The following E2F3 variants were observed in gnomAD, a reference collection of about 807,000 sequenced individuals.
The protein encoded by E2F3 is E2F transcription factor 3.
A neutral mutation model predicts 44.4 loss-of-function variants in E2F3; 11 were observed. The ratio of observed to expected loss-of-function variants is 0.25; its 90% CI spans 0.16 to 0.41. The LOEUF (loss-of-function observed/expected upper bound fraction) is 0.41, where lower values mean the gene tolerates loss of function less well. Among genes scored for constraint, E2F3 ranks in the 10% least tolerant of loss-of-function variants. The pLI is 1.00. For missense variants in E2F3, 487 were observed against 583.6 expected, an observed-to-expected ratio of 0.83 and a Z score of 1.70; for synonymous variants, 249 against 253.0, an observed-to-expected ratio of 0.98 and a Z score of 0.15.
intron 1 of E2F3, among the ~76,000 whole-genome samples, chr6:20,468,216 G>C (rs1329049627): frequency 1.3e-5 from 2 of 152,202 alleles, no homozygotes; most frequent in African/African-American, 4.8e-5. Flanking sequence ...CACAGATTGA[G>C]GGTTCAGTCT....
At chr6:20,449,012 T>C (rs554483229) in intron 1 of E2F3, among the ~76,000 whole-genome samples, 1 of 152,374 alleles carries the variant, frequency 6.6e-6, no homozygotes, top group East Asian at 1.9e-4. Flanking sequence ...AAGTGGACTT[T>C]GCCATCCAAT....
intron 1 of E2F3, among the ~76,000 whole-genome samples, chr6:20,476,071 G>A (rs1017289452): frequency 6.6e-6 from 1 of 151,882 alleles, no homozygotes; most frequent in Non-Finnish European, 1.5e-5. Context: ...CTAGGTTCCC[G>A]ACTCAAAACA....
chr6:20,475,772 C>T (rs138333992), intron 1 of E2F3, among the ~76,000 whole-genome samples: 1,619 of 152,216 alleles, frequency 0.011, 13 homozygotes, highest in Non-Finnish European at 0.016. Context: ...GGATTACAGG[C>T]GTGAGCCATT....
At chr6:20,480,549 G>A (rs1581652780) in intron 2 of E2F3, among the ~76,000 whole-genome samples, 1 of 152,088 alleles carries the variant, frequency 6.6e-6, no homozygotes. Flanking sequence ...CATGCATTAG[G>A]CAATCCACAA....
In E2F3 at chr6:20,402,601, C is replaced by T; in HGVS notation, c.369C>T (p.Gly123=). ...AGCCACCAGCGCTGGGACGCGGCGG[C>T]AGCGGCGGCGGCGGCGGCCCTCCGG... ...LQQPPALGRG[G]SGGGGGPPAK... The change falls in exon 1 of 7, where the codon GGC becomes GGT. Residue 123 remains glycine, a synonymous_variant. Coordinates refer to ENST00000346618, the MANE Select transcript of E2F3 (RefSeq NM_001949.5). The surrounding 1 kb of genome is among the most constrained non-coding windows in gnomAD (Gnocchi z 5.6). 7.4e-7 allele frequency: 1 copy of T among 1,355,836 alleles called. No homozygotes were observed. The highest frequency in any genetic ancestry group is 9.4e-7 in the Non-Finnish European group (1 of 1,062,626). The allele number at this position is 1,355,836 out of a possible 1,614,324, so 84.0% of individuals were successfully genotyped here.
At chr6:20,474,571 G>C (rs1006228273) in intron 1 of E2F3, among the ~76,000 whole-genome samples, 1 of 152,144 alleles carries the variant, frequency 6.6e-6, no homozygotes, top group South Asian at 2.1e-4. Flanking sequence ...CGATGCTCAC[G>C]CTGTGAACTA....
intron 1 of E2F3, among the ~76,000 whole-genome samples, chr6:20,434,115 G>A (rs1467668289): frequency 6.6e-6 from 1 of 152,220 alleles, no homozygotes; most frequent in Non-Finnish European, 1.5e-5. Context: ...CAGCTGGTCA[G>A]AACAAGCTTG....
At position 20,402,481 on chromosome 6, in the gene E2F3, C is replaced by T. The variant is rs919183891; in HGVS notation, c.249C>T (p.Pro83=). The T allele has an allele frequency of 1.9e-6, 3 of 1,608,898 alleles. No individual in the cohort carries two copies. Among genetic ancestry groups the T allele is most frequent in the South Asian group, 1.1e-5 (1 of 91,062 alleles). Residue 83 remains proline, a synonymous_variant, in exon 1 of 7, where the codon CCC becomes CCT. Transcript: ENST00000346618. This position sits in a 1 kb window ranked among gnomAD's most constrained non-coding sequence, Gnocchi z 5.6. ...AAAGCGGCGCCGTAGCCGCCGGCCC[C>T]CTCCTCCCCAGTGCCCCCGGCGCGG... ...SLQSGAVAAG[P]LLPSAPGAEQ... is the part of the protein sequence containing the mutation.
At chr6:20,435,432 A>C (rs1760542340) in intron 1 of E2F3, among the ~76,000 whole-genome samples, 1 of 152,230 alleles carries the variant, frequency 6.6e-6, no homozygotes, top group Admixed American at 6.5e-5. Context: ...TAACTTCAAA[A>C]GATAGGGAAA....
Position 20,492,425 on chromosome 6 carries a change from G to C in E2F3, c.*1995G>C, listed in dbSNP as rs1762579336. ...GTGGTCCTAGATGAAGCATTGGGGTGGGGGAGGGAGAGGGAGCTTTGTGTT... is the reference window on the plus strand; with the variant it reads ...GTGGTCCTAGATGAAGCATTGGGGTCGGGGAGGGAGAGGGAGCTTTGTGTT... On this transcript the variant is annotated 3_prime_UTR_variant, in exon 7 of 7. Transcript: ENST00000346618. The C allele has an allele frequency of 4.3e-6, 1 of 233,712 alleles. No individual in the cohort carries two copies. 14.5% of individuals were successfully genotyped at this position (233,712 alleles called of 1,614,324 possible).
At chr6:20,403,810 C>T (rs1225439600) in intron 1 of E2F3, 2 of 1,497,234 alleles carry the variant, frequency 1.3e-6, no homozygotes, top group Non-Finnish European at 1.8e-6. Flanking sequence ...AGGCTGGTTT[C>T]GGAAATGCCC....
chr6:20,459,351 A>G (rs1306713693), intron 1 of E2F3, among the ~76,000 whole-genome samples: 2 of 152,228 alleles, frequency 1.3e-5, no homozygotes, highest in Non-Finnish European at 1.5e-5. Flanking sequence ...CCCACGGGTT[A>G]TCTGAAGAGA....
chr6:20,479,549 C>A (rs1207033748), intron 1 of E2F3, among the ~76,000 whole-genome samples: 1 of 152,270 alleles, frequency 6.6e-6, no homozygotes, highest in Non-Finnish European at 1.5e-5. Flanking sequence ...ATGCCAGGCA[C>A]ATGATGTGTT....
rs1282699618 is a variant in E2F3 at position 20,455,939 on chromosome 6, A to AGT, written c.394-23898_394-23897dup. Among the ~76,000 whole-genome samples, 8 of 152,266 alleles carry AGT rather than the reference A, an allele frequency of 5.3e-5. No individual in the cohort carries two copies. In the East Asian group the frequency reaches 1.4e-3, roughly 26 times the overall value. On this transcript the variant is annotated intron_variant, in intron 1 of 6. Coordinates refer to ENST00000346618, the MANE Select transcript of E2F3 (RefSeq NM_001949.5). ...TAAGCATTGAAGGAGCTAGGCAAAG[A>AGT]GTGTGTGTGTTTAGCTACAAACTAA...
chr6:20,448,681 G>A (rs990853217), intron 1 of E2F3, among the ~76,000 whole-genome samples: 3 of 152,110 alleles, frequency 2.0e-5, no homozygotes, highest in Non-Finnish European at 2.9e-5. Context: ...TTAGAGACGT[G>A]GGAGAAGAGT....
chr6:20,457,348 CTTTTTTTTTTTT>C (rs60238519), intron 1 of E2F3, among the ~76,000 whole-genome samples: 22 of 109,514 alleles, frequency 2.0e-4, no homozygotes, highest in Admixed American at 1.4e-3. Context: ...CTTATTTTTT[CTTTTTTTTTTTT>C]TTTTTTTTAG....
At chr6:20,403,565 G>T (rs1253873760) in intron 1 of E2F3, 10 of 449,630 alleles carry the variant, frequency 2.2e-5, no homozygotes, top group Non-Finnish European at 3.2e-5. Flanking sequence ...TGTGACTGGG[G>T]AGGAGGCGGC....
chr6:20,474,233 C>G (rs543111068), intron 1 of E2F3, among the ~76,000 whole-genome samples: 1 of 152,164 alleles, frequency 6.6e-6, no homozygotes, highest in Non-Finnish European at 1.5e-5. Flanking sequence ...CCATTGCACC[C>G]AGCTCTAACT....
chr6:20,482,786 G>C lies in E2F3; in HGVS notation c.750G>C (p.Gly250=), dbSNP rs149378067. Residue 250 remains glycine (G), a synonymous_variant, in exon 4 of 7, where the codon GGG becomes GGC. Transcript: ENST00000346618. ...QWMGCSLSED[G]GMLAQCQGLS... ...GGGGCTGCAGTCTGTCTGAGGATGG[G>C]GGCATGCTGGCCCAGTGTCAAGGCC... 1.2e-6 allele frequency: 2 copies of C among 1,611,648 alleles called. No homozygotes were observed. Among genetic ancestry groups the C allele is most frequent in the Non-Finnish European group, 1.7e-6 (2 of 1,179,034 alleles).
Sources: allele counts gnomAD v4.1 joint callset (sites outside exome capture counted in the v4.1 genomes callset), GRCh38; gene constraint gnomAD v4.1.1; non-coding constraint Gnocchi (gnomAD v3.1); transcripts MANE v1.5; gene names NCBI Gene and HGNC (gene_info 2026-07-23, HGNC 2026-07-21).